The following NKPD1 variants were observed in gnomAD, a reference collection of about 807,000 sequenced individuals.
NKPD1 encodes the protein NTPase KAP family P-loop domain-containing protein 1.
NKPD1 carries 37 observed loss-of-function variants against 42.2 expected under a neutral mutation model. That is an observed-to-expected ratio of 0.88 (90% CI 0.67 to 1.15). The LOEUF is 1.15. Ranked by LOEUF, NKPD1 falls within the 50% of genes most tolerant of loss-of-function variation. The pLI is 0.00. For missense variants in NKPD1, 1,113 were observed against 1,174.6 expected, an observed-to-expected ratio of 0.95 and a Z score of 0.77; for synonymous variants, 552 against 536.5, an observed-to-expected ratio of 1.03 and a Z score of -0.40.
At chr19:45,159,197 C>T (rs1466970839) in intron 2 of NKPD1, 97 bp from the exon 3 acceptor site, 5 of 1,164,734 alleles carry the variant, frequency 4.3e-6, no homozygotes, top group South Asian at 1.5e-5. Flanking sequence ...ACCTGGGGGC[C>T]AGAGTATTCT....
In NKPD1 at chr19:45,158,743, A is replaced by G. The variant is rs1968949973; in HGVS notation, c.449T>C (p.Leu150Pro). 1.7e-6 allele frequency: 2 copies of G among 1,209,880 alleles called. No individual in the cohort carries two copies. The highest frequency in any genetic ancestry group is 6.7e-5 in the East Asian group (1 of 14,986). The allele number at this position is 1,209,880 out of a possible 1,614,324, so 74.9% of individuals were successfully genotyped here. ...ATCAGTGGGCTCGCTGGGCTTCAGG[A>G]GGACGCCAGCCGCGGAGGGTAGAGC... ...GPALPSAAGVLLKPSEPTDAR... is the reference protein window; with the variant it reads ...GPALPSAAGVPLKPSEPTDAR... The change falls in exon 3 of 5, where the codon CTC becomes CCC. Residue 150 changes from leucine to proline, a missense_variant. Leu to Pro is a moderately conservative substitution (Grantham distance 98). This residue lies in a region of NKPD1 where 204 missense variants were observed against 227.8 expected (regional missense o/e 0.90). Coordinates refer to ENST00000686631, the MANE Select transcript of NKPD1 (RefSeq NM_198478.4). This position sits in a 1 kb window ranked among gnomAD's most constrained non-coding sequence, Gnocchi z 4.6.
At position 45,158,897 on chromosome 19, in the gene NKPD1, G is replaced by A. The variant is rs1036037497; in HGVS notation, c.295C>T (p.Arg99Trp). Residue 99 changes from arginine (R) to tryptophan (W), a missense_variant, in exon 3 of 5, where the codon CGG becomes TGG. Coordinates refer to ENST00000686631, the MANE Select transcript of NKPD1 (RefSeq NM_198478.4). The surrounding 1 kb of genome is among the most constrained non-coding windows in gnomAD (Gnocchi z 4.6). ...QPSPPSPLRQ[R>W]LCPIHEAQKG... Reference sequence around the variant, plus strand: ...TGGGCTTCGTGAATGGGGCAGAGCCGCTGCCGCAGGGGGCTGGGAGGTGAG... The same window carrying A: ...TGGGCTTCGTGAATGGGGCAGAGCCACTGCCGCAGGGGGCTGGGAGGTGAG... The A allele has an allele frequency of 2.6e-5, 34 of 1,292,568 alleles. No homozygotes were observed. In the Admixed American group the frequency reaches 2.7e-4, roughly 10 times the overall value. The allele number at this position is 1,292,568 out of a possible 1,614,324, so 80.1% of individuals were successfully genotyped here. A position where few individuals can be genotyped will look rare whatever the true frequency, so the allele number is the denominator to read the frequency against.
intron 1 of NKPD1, 53 bp from the exon 2 acceptor site, chr19:45,160,274 G>A: frequency 2.3e-6 from 1 of 439,194 alleles, no homozygotes. Context: ...CTGCCCGACA[G>A]CTTGGACAGG....
chr19:45,152,552 C>A lies in NKPD1; in HGVS notation c.1885G>T (p.Val629Leu). The A allele has an allele frequency of 1.9e-6, 3 of 1,584,758 alleles. No homozygotes were observed. Among genetic ancestry groups the A allele is most frequent in the African/African-American group, 1.4e-5 (1 of 72,732 alleles). The stretch of plus-strand genomic sequence containing the variant: ...TGCAGCAGGCGCACGGTGATGGGCA[C>A]GGTGTTGACGATGCGCCGCATGGAC... ...VVSMRRIVNT[V>L]PITVRLLQQQ... Residue 629 changes from valine (V) to leucine (L), a missense_variant, in exon 5 of 5, where the codon GTG becomes TTG. By Grantham distance (32) the Val-to-Leu change is conservative (BLOSUM62 1). Coordinates refer to ENST00000686631, the MANE Select transcript of NKPD1 (RefSeq NM_198478.4).
upstream of NKPD1, among the ~76,000 whole-genome samples, chr19:45,161,737 G>C (rs550178278): frequency 6.6e-6 from 1 of 152,252 alleles, no homozygotes; most frequent in African/African-American, 2.4e-5. Flanking sequence ...TGAGGGCCGG[G>C]GTAAGGCTGG....
chr19:45,151,995 T>C lies in NKPD1; in HGVS notation c.2442A>G (p.Leu814=), dbSNP rs1291680395. 8.7e-6 allele frequency: 14 copies of C among 1,609,056 alleles called. No homozygotes were observed. The highest frequency in any genetic ancestry group is 3.3e-5 in the Admixed American group (2 of 59,816). The part of the protein sequence containing the change: ...HTGDLAHRGK[L]WPVACALFRP... ...GGAAGAGCGCACAGGCCACCGGCCA[T>C]AGCTTGCCCCTGTGGGCCAAGTCCC... Residue 814 remains leucine (L), a synonymous_variant, in exon 5 of 5, where the codon CTA becomes CTG. Transcript: ENST00000686631.
intron 4 of NKPD1, 169 bp from the exon 5 acceptor site, chr19:45,153,944 A>C (rs895462622): frequency 8.5e-5 from 55 of 649,604 alleles, no homozygotes; most frequent in Non-Finnish European, 1.1e-4. Context: ...CCGGTGCAGA[A>C]GCGGGGGCGT....
At position 45,155,774 on chromosome 19, in the gene NKPD1, C is replaced by A. The variant is rs1240300736; in HGVS notation, c.661+11G>T. 3.1e-6 allele frequency: 4 copies of A among 1,295,716 alleles called. No individual in the cohort carries two copies. In the Admixed American group the frequency reaches 9.2e-5, roughly 30 times the overall value. The allele number at this position is 1,295,716 out of a possible 1,614,324, so 80.3% of individuals were successfully genotyped here. A position where few individuals can be genotyped will look rare whatever the true frequency, so the allele number is the denominator to read the frequency against. ...TCATCCTCCCCCCAACAAACACACA[C>A]AGCTCCTCACCCGTGATCTTGTCCA... On this transcript the variant is annotated intron_variant, in intron 4 of 4. Transcript: ENST00000686631.
Position 45,158,746 on chromosome 19 carries a change from A to G in NKPD1, c.446T>C (p.Val149Ala), listed in dbSNP as rs1385944797. 2.5e-6 allele frequency: 3 copies of G among 1,212,032 alleles called. No individual in the cohort carries two copies. Among genetic ancestry groups the G allele is most frequent in the Non-Finnish European group, 3.2e-6 (3 of 946,872 alleles). The allele number at this position is 1,212,032 out of a possible 1,614,324, so 75.1% of individuals were successfully genotyped here. A position where few individuals can be genotyped will look rare whatever the true frequency, so the allele number is the denominator to read the frequency against. Reference sequence around the variant, plus strand: ...AGTGGGCTCGCTGGGCTTCAGGAGGACGCCAGCCGCGGAGGGTAGAGCTGG... The same window carrying G: ...AGTGGGCTCGCTGGGCTTCAGGAGGGCGCCAGCCGCGGAGGGTAGAGCTGG... ...SGPALPSAAGVLLKPSEPTDA... is the reference protein window; with the variant it reads ...SGPALPSAAGALLKPSEPTDA... The change falls in exon 3 of 5, where the codon GTC (valine) becomes GCC (alanine). Residue 149 changes from valine to alanine, a missense_variant. Val to Ala is a moderately conservative substitution (Grantham distance 64, BLOSUM62 0). Transcript: ENST00000686631. The surrounding 1 kb of genome is among the most constrained non-coding windows in gnomAD (Gnocchi z 4.6).
Position 45,152,983 on chromosome 19 carries a change from G to T in NKPD1, c.1454C>A (p.Ala485Glu). ...AINTLLSDSHAPFIFILVVDP... is the reference protein window; with the variant it reads ...AINTLLSDSHEPFIFILVVDP... ...CACGACCAGGATGAAGATGAAGGGC[G>T]CGTGGCTGTCGGACAGCAGCGTGTT... Residue 485 changes from alanine to glutamate, a missense_variant, in exon 5 of 5, where the codon GCG becomes GAG. By Grantham distance (107) the Ala-to-Glu change is moderately radical (BLOSUM62 -1). Around this residue, in one of 3 missense-constraint regions of NKPD1, gnomAD observed 867 missense variants for 870.1 expected, o/e 1.00. Coordinates refer to ENST00000686631, the MANE Select transcript of NKPD1 (RefSeq NM_198478.4). 6.3e-7 allele frequency: 1 copy of T among 1,585,324 alleles called. No homozygotes were observed. Among genetic ancestry groups the T allele is most frequent in the South Asian group, 1.1e-5 (1 of 87,630 alleles).
chr19:45,155,773 A>C lies in NKPD1; in HGVS notation c.661+12T>G. ...CTCATCCTCCCCCCAACAAACACAC[A>C]CAGCTCCTCACCCGTGATCTTGTCC... On this transcript the variant is annotated intron_variant, in intron 4 of 4. Transcript: ENST00000686631. 1 of 1,295,392 alleles carries C rather than the reference A, an allele frequency of 7.7e-7. No individual in the cohort carries two copies. Among genetic ancestry groups the C allele is most frequent in the South Asian group, 1.2e-5 (1 of 80,748 alleles). 80.2% of individuals were successfully genotyped at this position (1,295,392 alleles called of 1,614,324 possible).
Position 45,153,685 on chromosome 19 carries a change from G to A in NKPD1, c.752C>T (p.Pro251Leu), listed in dbSNP as rs1314705960. The A allele has an allele frequency of 1.9e-6, 3 of 1,554,830 alleles. No homozygotes were observed. Among genetic ancestry groups the A allele is most frequent in the East Asian group, 2.4e-5 (1 of 42,126 alleles). ...GAACACCAGGTACCACAGTAGCTGCGGGACGCCCCAGCCGCTCACGGCACG... is the reference window on the plus strand; with the variant it reads ...GAACACCAGGTACCACAGTAGCTGCAGGACGCCCCAGCCGCTCACGGCACG... ...RPRAVSGWGV[P>L]QLLWYLVFLQ... is the part of the protein sequence containing the mutation. Residue 251 changes from proline (P) to leucine (L), a missense_variant, in exon 5 of 5, where the codon CCG becomes CTG. This residue lies in a region of NKPD1 where 867 missense variants were observed against 870.1 expected (regional missense o/e 1.00). Coordinates refer to ENST00000686631, the MANE Select transcript of NKPD1 (RefSeq NM_198478.4).
chr19:45,162,287 C>T (rs140632123), upstream of NKPD1, among the ~76,000 whole-genome samples: 658 of 152,304 alleles, frequency 4.3e-3, 6 homozygotes, highest in Middle Eastern at 0.014. Context: ...CACAGCTACA[C>T]TCAGCCAGGT....
chr19:45,152,222 G>C lies in NKPD1; in HGVS notation c.2215C>G (p.Leu739Val). Reference sequence around the variant, plus strand: ...TCCAGGTTGACCGTGCAGCGCAGCAGGCTCTGCGCCTCGGCCACGGTGAAG... The same window carrying C: ...TCCAGGTTGACCGTGCAGCGCAGCACGCTCTGCGCCTCGGCCACGGTGAAG... ...FPFTVAEAQS[L>V]LRCTVNLDHS... Residue 739 changes from leucine to valine, a missense_variant, in exon 5 of 5, where the codon CTG becomes GTG. Around this residue, in one of 3 missense-constraint regions of NKPD1, gnomAD observed 867 missense variants for 870.1 expected, o/e 1.00. Coordinates refer to ENST00000686631, the MANE Select transcript of NKPD1 (RefSeq NM_198478.4). 1 of 1,603,560 alleles carries C rather than the reference G, an allele frequency of 6.2e-7. No homozygotes were observed. The highest frequency in any genetic ancestry group is 8.5e-7 in the Non-Finnish European group (1 of 1,176,120).
At chr19:45,159,414 G>A (rs564847882) in intron 2 of NKPD1, among the ~76,000 whole-genome samples, 4 of 152,206 alleles carry the variant, frequency 2.6e-5, no homozygotes, top group Admixed American at 2.0e-4. Context: ...ATCCCTGGGG[G>A]GTGCCGCCAG....
rs928589298 is a variant in NKPD1 at position 45,158,263 on chromosome 19, GCT to G, written c.529+398_529+399del. Among the ~76,000 whole-genome samples, 12 of 152,206 alleles carry G rather than the reference GCT, an allele frequency of 7.9e-5. No individual in the cohort carries two copies. The highest frequency in any genetic ancestry group is 1.5e-4 in the Non-Finnish European group (10 of 68,036). On this transcript the variant is annotated intron_variant, in intron 3 of 4. Transcript: ENST00000686631. The surrounding 1 kb of genome is among the most constrained non-coding windows in gnomAD (Gnocchi z 4.6). ...TCTCCGTTCCCCAGGCTACTCCCTA[GCT>G]CTGTCTTCCCCAACGCCAGAGCCAG...
intron 1 of NKPD1, among the ~76,000 whole-genome samples, chr19:45,160,626 G>T (rs1013748528): frequency 2.0e-5 from 3 of 152,028 alleles, no homozygotes; most frequent in Non-Finnish European, 4.4e-5. Context: ...CTGGAGAGCA[G>T]ATGAGAAGCA....
chr19:45,161,765 G>A (rs1230932083), upstream of NKPD1, among the ~76,000 whole-genome samples: 5 of 152,244 alleles, frequency 3.3e-5, no homozygotes, highest in African/African-American at 7.2e-5. Flanking sequence ...ATGCCCTGAA[G>A]GCCCCTCGGC....
upstream of NKPD1, among the ~76,000 whole-genome samples, chr19:45,162,345 C>T (rs1969023673): frequency 6.6e-6 from 1 of 152,140 alleles, no homozygotes; most frequent in Non-Finnish European, 1.5e-5. Flanking sequence ...GTGACTGGAC[C>T]CCACTCTACA....
Sources: allele counts gnomAD v4.1 joint callset (sites outside exome capture counted in the v4.1 genomes callset), GRCh38; gene constraint gnomAD v4.1.1; regional missense constraint gnomAD v4.1.1; non-coding constraint Gnocchi (gnomAD v3.1); transcripts MANE v1.5; gene names NCBI Gene and HGNC (gene_info 2026-07-23, HGNC 2026-07-21).